Variants in IKZF1 observed in about 807,000 individuals in gnomAD.
IKZF1 encodes the protein DNA-binding protein Ikaros.
A neutral mutation model predicts 51.7 loss-of-function variants in IKZF1; 10 were observed. The observed-to-expected ratio is 0.19, with a 90% confidence interval of 0.12 to 0.33. The LOEUF (loss-of-function observed/expected upper bound fraction) is 0.33. Among genes scored for constraint, IKZF1 ranks in the 10% least tolerant of loss-of-function variants. IKZF1 has a pLI of 1.00. For synonymous variants in IKZF1, 280 were observed against 282.3 expected, an observed-to-expected ratio of 0.99 and a Z score of 0.08; for missense variants, 484 against 707.5, an observed-to-expected ratio of 0.68 and a Z score of 3.58.
At chr7:50,351,867 C>G (rs79142681) in intron 3 of IKZF1, among the ~76,000 whole-genome samples, 2 of 152,104 alleles carry the variant, frequency 1.3e-5, no homozygotes, top group African/African-American at 2.4e-5. Flanking sequence ...AATTCCCCCC[C>G]GCCCCCATGC....
chr7:50,319,386 G>A (rs954745287), intron 2 of IKZF1, among the ~76,000 whole-genome samples: 1 of 152,160 alleles, frequency 6.6e-6, no homozygotes. Context: ...AAAAATGGCT[G>A]ATTGGTTTAA....
At chr7:50,307,535 T>A (rs1789104424) in intron 1 of IKZF1, among the ~76,000 whole-genome samples, 1 of 152,228 alleles carries the variant, frequency 6.6e-6, no homozygotes, top group Admixed American at 6.5e-5. Context: ...GTTCTCTCTC[T>A]GGTGTCTCTA....
chr7:50,351,036 G>T (rs1024549397), intron 3 of IKZF1, among the ~76,000 whole-genome samples: 2 of 152,242 alleles, frequency 1.3e-5, no homozygotes, highest in African/African-American at 4.8e-5. Flanking sequence ...GTTTAATTCA[G>T]TTCGTGTGTT....
Position 50,404,472 on chromosome 7 carries a change from A to T in IKZF1, c.*3845A>T. 4.4e-6 allele frequency: 1 copy of T among 229,808 alleles called. No homozygotes were observed. Among genetic ancestry groups the T allele is most frequent in the East Asian group, 6.1e-5 (1 of 16,264 alleles). The allele number at this position is 229,808 out of a possible 1,614,324, so 14.2% of individuals were successfully genotyped here. A position where few individuals can be genotyped will look rare whatever the true frequency, so the allele number is the denominator to read the frequency against. On this transcript the variant is annotated 3_prime_UTR_variant, in exon 8 of 8. Transcript: ENST00000331340. ...TATCCCGTGAAGTCCACACTGGCGT[A>T]AGAGAAGGCCCAGCAGAGCAGGAAT... is the stretch of plus-strand genomic sequence containing the variant.
At chr7:50,387,280 G>A in intron 5 of IKZF1, 65 bp from the exon 6 acceptor site, 1 of 1,541,862 alleles carries the variant, frequency 6.5e-7, no homozygotes, top group Non-Finnish European at 8.8e-7. Flanking sequence ...TGTATTGCAT[G>A]CATTCCCCTT....
chr7:50,357,276 G>A (rs1225203910), intron 3 of IKZF1, among the ~76,000 whole-genome samples: 1 of 151,908 alleles, frequency 6.6e-6, no homozygotes, highest in African/African-American at 2.4e-5. Flanking sequence ...AGCTTCCAAG[G>A]CCTCTGGAAC....
chr7:50,327,537 G>C, intron 2 of IKZF1, 101 bp from the exon 3 acceptor site: 1 of 1,411,262 alleles, frequency 7.1e-7, no homozygotes. Flanking sequence ...GCTCCACCCA[G>C]TACCTGCCTC....
intron 1 of IKZF1, among the ~76,000 whole-genome samples, chr7:50,316,501 G>C (rs1206773896): frequency 6.6e-6 from 1 of 152,234 alleles, no homozygotes; most frequent in Non-Finnish European, 1.5e-5. Context: ...TTGCAGACTT[G>C]GCTGCTGACA....
intron 2 of IKZF1, among the ~76,000 whole-genome samples, chr7:50,320,210 A>T (rs1027724314): frequency 6.6e-6 from 1 of 152,178 alleles, no homozygotes; most frequent in African/African-American, 2.4e-5. Flanking sequence ...TCACATTTAT[A>T]TCTTAAATAT....
At chr7:50,384,506 T>A (rs1171569913) in intron 5 of IKZF1, among the ~76,000 whole-genome samples, 1 of 152,060 alleles carries the variant, frequency 6.6e-6, no homozygotes, top group Non-Finnish European at 1.5e-5. Context: ...GGCCATGGAG[T>A]GGGACACTTG....
chr7:50,327,688 A>G lies in IKZF1; in HGVS notation c.91A>G (p.Met31Val), dbSNP rs375037109. 7.7e-5 allele frequency: 124 copies of G among 1,613,752 alleles called. No homozygotes were observed. The highest frequency in any genetic ancestry group is 9.1e-5 in the Non-Finnish European group (107 of 1,179,798). Residue 31 changes from methionine to valine, a missense_variant, in exon 3 of 8, where the codon ATG becomes GTG. Physicochemically the swap from Met to Val is conservative, Grantham distance 21. Coordinates refer to ENST00000331340, the MANE Select transcript of IKZF1 (RefSeq NM_006060.6). ...SDTPDEGDEP[M>V]PIPEDLSTTS... ...TACTCCAGATGAGGGCGATGAGCCC[A>G]TGCCGATCCCCGAGGACCTCTCCAC... is the stretch of plus-strand genomic sequence containing the variant.
intron 7 of IKZF1, among the ~76,000 whole-genome samples, chr7:50,395,359 T>G (rs1013838107): frequency 2.0e-5 from 3 of 152,184 alleles, no homozygotes; most frequent in African/African-American, 7.2e-5. Context: ...CGGCTTATTT[T>G]AAATATCCTC....
At chr7:50,367,954 T>C (rs1176126400) in intron 3 of IKZF1, 4 of 631,828 alleles carry the variant, frequency 6.3e-6, no homozygotes, top group Non-Finnish European at 1.1e-5. Context: ...ACTCTGACTA[T>C]ACTCTCTCCT....
At chr7:50,303,575 C>A (rs1193205611), upstream of IKZF1, among the ~76,000 whole-genome samples, 1 of 152,120 alleles carries the variant, frequency 6.6e-6, no homozygotes, top group Non-Finnish European at 1.5e-5. This position sits in a 1 kb window ranked among gnomAD's most constrained non-coding sequence, Gnocchi z 4.7. Flanking sequence ...ATGAATTGCA[C>A]CTTCCCCTCC....
Position 50,400,324 on chromosome 7 carries a change from C to A in IKZF1, c.1257C>A (p.Ala419=). Residue 419 remains alanine, a synonymous_variant, in exon 8 of 8, where the codon GCC becomes GCA. Coordinates refer to ENST00000331340, the MANE Select transcript of IKZF1 (RefSeq NM_006060.6). The surrounding 1 kb of genome is among the most constrained non-coding windows in gnomAD (Gnocchi z 5.4). ...SGLIYLTNHI[A]PHARNGLSLK... is the part of the protein sequence containing the mutation. ...TCATCTACCTGACCAACCACATCGC[C>A]CCGCACGCGCGCAACGGGCTGTCGC... 1 of 1,613,064 alleles carries A rather than the reference C, an allele frequency of 6.2e-7. No homozygotes were observed. The highest frequency in any genetic ancestry group is 8.5e-7 in the Non-Finnish European group (1 of 1,179,716).
chr7:50,349,851 G>A (rs1584680651), intron 3 of IKZF1, among the ~76,000 whole-genome samples: 2 of 152,196 alleles, frequency 1.3e-5, no homozygotes, highest in East Asian at 1.9e-4. Flanking sequence ...CATGTTATTG[G>A]GTCTATGAAA....
At chr7:50,330,478 G>A (rs531537150) in intron 3 of IKZF1, among the ~76,000 whole-genome samples, 1 of 152,238 alleles carries the variant, frequency 6.6e-6, no homozygotes, top group South Asian at 2.1e-4. Flanking sequence ...ACAAAGGAGA[G>A]GCTTGAGAAG....
At chr7:50,323,164 C>G (rs1050230463) in intron 2 of IKZF1, among the ~76,000 whole-genome samples, 6 of 152,134 alleles carry the variant, frequency 3.9e-5, no homozygotes, top group African/African-American at 1.4e-4. Flanking sequence ...GTGTTTTCTC[C>G]TTTCAACCTC....
chr7:50,349,207 A>C (rs1239285179), intron 3 of IKZF1, among the ~76,000 whole-genome samples: 1 of 152,146 alleles, frequency 6.6e-6, no homozygotes, highest in African/African-American at 2.4e-5. Flanking sequence ...TAGCTGAATA[A>C]CATACTGAGA....
Sources: allele counts gnomAD v4.1 joint callset (sites outside exome capture counted in the v4.1 genomes callset), GRCh38; gene constraint gnomAD v4.1.1; non-coding constraint Gnocchi (gnomAD v3.1); transcripts MANE v1.5; gene names NCBI Gene and HGNC (gene_info 2026-07-23, HGNC 2026-07-21).